Variants in LRFN5 observed in about 807,000 individuals in gnomAD.
LRFN5 encodes the protein leucine-rich repeat and fibronectin type-III domain-containing protein 5.
LRFN5 carries 24 observed loss-of-function variants against 45.6 expected under a neutral mutation model. The ratio of observed to expected loss-of-function variants is 0.53; its 90% CI spans 0.38 to 0.74. The LOEUF (loss-of-function observed/expected upper bound fraction) is 0.74, where lower values mean the gene tolerates loss of function less well. LRFN5 is among the 30% of genes least tolerant of loss of function. The pLI is 0.00. For synonymous variants in LRFN5, 340 were observed against 313.8 expected (o/e 1.08, Z -0.88); for missense variants, 776 against 861.5 (o/e 0.90, Z 1.24).
chr14:41,650,851 A>T (rs530999338), intron 1 of LRFN5, among the ~76,000 whole-genome samples: 1 of 146,578 alleles, frequency 6.8e-6, no homozygotes, highest in East Asian at 2.1e-4. Flanking sequence ...CTACACATGT[A>T]ATGCAATCTC....
intron 1 of LRFN5, among the ~76,000 whole-genome samples, chr14:41,655,853 T>C (rs1015251155): frequency 6.6e-6 from 1 of 151,986 alleles, no homozygotes; most frequent in African/African-American, 2.4e-5. Flanking sequence ...TGAGCTCTGT[T>C]GTTGAGATGA....
At chr14:41,658,430 T>C (rs369068375) in intron 1 of LRFN5, among the ~76,000 whole-genome samples, 3 of 151,998 alleles carry the variant, frequency 2.0e-5, no homozygotes, top group African/African-American at 7.2e-5. Context: ...TGAATAATAA[T>C]TCATTGATGA....
chr14:41,856,351 G>A (rs1889451029), intron 2 of LRFN5, among the ~76,000 whole-genome samples: 1 of 152,082 alleles, frequency 6.6e-6, no homozygotes, highest in Admixed American at 6.6e-5. Flanking sequence ...AGACCTCGTG[G>A]TATGTTCTAC....
chr14:41,755,014 C>T (rs1052478954), intron 1 of LRFN5, among the ~76,000 whole-genome samples: 2 of 152,050 alleles, frequency 1.3e-5, no homozygotes, highest in Non-Finnish European at 2.9e-5. Context: ...GCCTTCATTT[C>T]GTTATGTACC....
At chr14:41,806,238 G>A (rs928960862) in intron 2 of LRFN5, among the ~76,000 whole-genome samples, 1 of 152,024 alleles carries the variant, frequency 6.6e-6, no homozygotes, top group African/African-American at 2.4e-5. Flanking sequence ...AAATTAGATA[G>A]CTACATATCT....
At chr14:41,682,229 G>A (rs1421258751) in intron 1 of LRFN5, among the ~76,000 whole-genome samples, 1 of 151,936 alleles carries the variant, frequency 6.6e-6, no homozygotes, top group Non-Finnish European at 1.5e-5. Flanking sequence ...CTGGGCAACA[G>A]AGCAAGACTT....
At chr14:41,675,147 C>T (rs1450126706) in intron 1 of LRFN5, among the ~76,000 whole-genome samples, 2 of 151,958 alleles carry the variant, frequency 1.3e-5, no homozygotes, top group South Asian at 2.1e-4. Context: ...GGGCTCCTCA[C>T]GTCCCAGACG....
At chr14:41,645,476 T>C (rs1404626909) in intron 1 of LRFN5, among the ~76,000 whole-genome samples, 1 of 151,590 alleles carries the variant, frequency 6.6e-6, no homozygotes, top group Non-Finnish European at 1.5e-5. Flanking sequence ...TATTTTTATA[T>C]GCTTACATTT....
chr14:41,893,437 G>A, intron 4 of LRFN5: 1 of 985,042 alleles, frequency 1.0e-6, no homozygotes, highest in East Asian at 1.1e-4. Flanking sequence ...CTGACCCATT[G>A]CTTTGCACAA....
At chr14:41,716,033 C>G (rs2415689) in intron 1 of LRFN5, among the ~76,000 whole-genome samples, 6,042 of 152,290 alleles carry the variant, frequency 0.04, 412 homozygotes, top group African/African-American at 0.14. Flanking sequence ...CACGTGGAAG[C>G]TGCCAAGGCT....
chr14:41,653,065 C>A (rs762816871), intron 1 of LRFN5, among the ~76,000 whole-genome samples: 37 of 152,028 alleles, frequency 2.4e-4, no homozygotes, highest in Non-Finnish European at 4.7e-4. Context: ...GGATATTAGA[C>A]CTTTGTCAGA....
intron 3 of LRFN5, among the ~76,000 whole-genome samples, chr14:41,889,727 A>T (rs909490728): frequency 6.6e-6 from 1 of 152,200 alleles, no homozygotes; most frequent in Non-Finnish European, 1.5e-5. Flanking sequence ...TTAAATTTTA[A>T]TGTATACAAA....
chr14:41,786,613 A>T (rs1159615563), intron 2 of LRFN5, among the ~76,000 whole-genome samples: 4 of 141,510 alleles, frequency 2.8e-5, no homozygotes, highest in African/African-American at 7.9e-5. Context: ...TTTGCTTGGG[A>T]TTTGTTGAAC....
intron 1 of LRFN5, among the ~76,000 whole-genome samples, chr14:41,612,714 G>A (rs1247638051): frequency 2.6e-5 from 4 of 151,994 alleles, no homozygotes; most frequent in African/African-American, 9.7e-5. Flanking sequence ...TGTATAATTT[G>A]TTCATTACAT....
At chr14:41,676,449 A>G (rs886257414) in intron 1 of LRFN5, among the ~76,000 whole-genome samples, 5 of 152,240 alleles carry the variant, frequency 3.3e-5, no homozygotes, top group African/African-American at 1.2e-4. Flanking sequence ...AGAGTGTGTC[A>G]AGAACAGTGG....
At chr14:41,848,538 A>G (rs573038762) in intron 2 of LRFN5, among the ~76,000 whole-genome samples, 2 of 152,146 alleles carry the variant, frequency 1.3e-5, no homozygotes, top group East Asian at 3.9e-4. Flanking sequence ...AGTGTGAACA[A>G]TGAAGAGGGC....
intron 2 of LRFN5, among the ~76,000 whole-genome samples, chr14:41,825,458 A>C (rs1481124362): frequency 6.6e-6 from 1 of 152,172 alleles, no homozygotes; most frequent in Non-Finnish European, 1.5e-5. Flanking sequence ...ACGGGAGAAC[A>C]TGCATTCTGG....
At chr14:41,630,754 G>A (rs928504625) in intron 1 of LRFN5, among the ~76,000 whole-genome samples, 9 of 151,816 alleles carry the variant, frequency 5.9e-5, no homozygotes, top group Non-Finnish European at 1.0e-4. Flanking sequence ...AGTTTTCATC[G>A]GTCACTTGTA....
intron 1 of LRFN5, among the ~76,000 whole-genome samples, chr14:41,641,235 T>C (rs1316698724): frequency 2.6e-5 from 4 of 152,072 alleles, no homozygotes; most frequent in Non-Finnish European, 4.4e-5. Context: ...TAAAAGGACA[T>C]TGGATGGGTC....
Sources: allele counts gnomAD v4.1 joint callset (sites outside exome capture counted in the v4.1 genomes callset), GRCh38; gene constraint gnomAD v4.1.1; transcripts MANE v1.5; gene names NCBI Gene and HGNC (gene_info 2026-07-23, HGNC 2026-07-21).